ZDHHC15: variants seen among roughly 807,000 people sequenced by gnomAD.
The protein encoded by ZDHHC15 is palmitoyltransferase ZDHHC15.
Under a neutral mutation model 31.7 loss-of-function variants are expected in ZDHHC15, and 19 were observed. That is an observed-to-expected ratio of 0.60 (90% CI 0.42 to 0.88). The LOEUF (loss-of-function observed/expected upper bound fraction) is 0.88. Ranked by LOEUF, ZDHHC15 falls within the 40% of genes least tolerant of loss-of-function variation. ZDHHC15 has a pLI of 0.00. For synonymous variants in ZDHHC15, 103 were observed against 90.0 expected (o/e 1.14, Z -0.82); for missense variants, 209 against 251.2 (o/e 0.83, Z 1.14).
At chrX:75,395,890 G>A (rs1569309094) in intron 10 of ZDHHC15, among the ~76,000 whole-genome samples, 1 of 111,995 alleles carries the variant, frequency 8.9e-6, no homozygotes, top group Non-Finnish European at 1.9e-5. Context: ...AATACTCACT[G>A]GGAAAAGAAC....
intron 2 of ZDHHC15, among the ~76,000 whole-genome samples, chrX:75,489,700 G>T (rs906764462): frequency 8.9e-6 from 1 of 112,377 alleles, no homozygotes; most frequent in African/African-American, 3.2e-5. Flanking sequence ...TCCTCCAAAG[G>T]AATGCAGCTC....
At chrX:75,522,528 C>T (rs1430013623) in intron 1 of ZDHHC15, among the ~76,000 whole-genome samples, 1 of 111,519 alleles carries the variant, frequency 9.0e-6, no homozygotes, top group African/African-American at 3.3e-5. Flanking sequence ...TTTAAAGACA[C>T]AGGGTATGTT....
chrX:75,500,315 C>T (rs1359153036), intron 2 of ZDHHC15, among the ~76,000 whole-genome samples: 3 of 108,918 alleles, frequency 2.8e-5, no homozygotes, highest in African/African-American at 1.0e-4. Context: ...CTAGTATACC[C>T]ATACTATGAA....
intron 9 of ZDHHC15, among the ~76,000 whole-genome samples, chrX:75,419,580 C>T (rs185495155): frequency 1.1e-3 from 118 of 110,732 alleles, no homozygotes; most frequent in African/African-American, 3.7e-3. Flanking sequence ...ACCATTTGAC[C>T]CAGCCATCCC....
chrX:75,461,241 G>A (rs1324386977), intron 3 of ZDHHC15, among the ~76,000 whole-genome samples: 1 of 111,445 alleles, frequency 9.0e-6, no homozygotes, highest in Admixed American at 9.6e-5. Context: ...TAGAGAATAA[G>A]GAATAAAATG....
At chrX:75,489,651 C>A (rs779586968) in intron 2 of ZDHHC15, among the ~76,000 whole-genome samples, 38 of 111,975 alleles carry the variant, frequency 3.4e-4, no homozygotes, top group African/African-American at 8.1e-4. Flanking sequence ...AAAAACAGAG[C>A]AGAAAAACTG....
chrX:75,486,869 C>T (rs2084786342), intron 2 of ZDHHC15, among the ~76,000 whole-genome samples: 1 of 111,412 alleles, frequency 9.0e-6, no homozygotes, highest in African/African-American at 3.3e-5. Flanking sequence ...TCAGACTCAC[C>T]TAACCTTGCC....
At chrX:75,420,254 G>A (rs1279857358) in intron 9 of ZDHHC15, among the ~76,000 whole-genome samples, 1 of 111,241 alleles carries the variant, frequency 9.0e-6, no homozygotes, top group African/African-American at 3.3e-5. Context: ...ACCACAATGA[G>A]ACACCATCTC....
intron 4 of ZDHHC15, among the ~76,000 whole-genome samples, chrX:75,437,283 A>T (rs1265363102): frequency 1.5e-4 from 14 of 95,814 alleles, no homozygotes; most frequent in African/African-American, 4.6e-4. Flanking sequence ...TTTTTTTTTT[A>T]AATTTATTTA....
At chrX:75,450,746 A>C (rs758539575) in intron 4 of ZDHHC15, 56 bp downstream of exon 4, 1 of 1,209,511 alleles carries the variant, frequency 8.3e-7, no homozygotes, top group East Asian at 3.0e-5. Flanking sequence ...TATATGACTT[A>C]GCCTTTCTGA....
chrX:75,445,761 T>A (rs2084024477), intron 4 of ZDHHC15, among the ~76,000 whole-genome samples: 1 of 111,626 alleles, frequency 9.0e-6, no homozygotes, highest in Non-Finnish European at 1.9e-5. Context: ...AGGATGGGGA[T>A]GTGTGGGAAG....
chrX:75,498,148 G>T (rs1367984567), intron 2 of ZDHHC15, among the ~76,000 whole-genome samples: 2 of 109,809 alleles, frequency 1.8e-5, no homozygotes, highest in East Asian at 5.7e-4. Flanking sequence ...GGTCAGGCGG[G>T]TCTCAAACTC....
At chrX:75,450,619 A>G in intron 4 of ZDHHC15, 183 bp downstream of exon 4, 1 of 959,572 alleles carries the variant, frequency 1.0e-6, no homozygotes, top group East Asian at 3.4e-5. Context: ...TTTGTTTACT[A>G]TACAATTCTT....
At chrX:75,429,008 T>C in intron 7 of ZDHHC15, 70 bp downstream of exon 7, 2 of 1,162,847 alleles carry the variant, frequency 1.7e-6, no homozygotes, top group Non-Finnish European at 2.3e-6. Flanking sequence ...AGATAGAGGG[T>C]GAACAATGTC....
At chrX:75,458,134 G>A (rs1371724847) in intron 3 of ZDHHC15, among the ~76,000 whole-genome samples, 2 of 112,184 alleles carry the variant, frequency 1.8e-5, no homozygotes, top group African/African-American at 6.5e-5. Context: ...ATAACTAACA[G>A]CAATCAAAGG....
chrX:75,387,953 C>T (rs1473092854), intron 10 of ZDHHC15, among the ~76,000 whole-genome samples: 1 of 111,644 alleles, frequency 9.0e-6, no homozygotes, highest in African/African-American at 3.3e-5. Flanking sequence ...ATGTGCATAA[C>T]ATATAAAGGA....
chrX:75,373,609 G>GTGA (rs2147742502), intron 11 of ZDHHC15, among the ~76,000 whole-genome samples: 1 of 111,362 alleles, frequency 9.0e-6, no homozygotes, highest in East Asian at 2.8e-4. Context: ...TTTATGTTTA[G>GTGA]TGATATTATT....
intron 2 of ZDHHC15, among the ~76,000 whole-genome samples, chrX:75,482,531 A>G (rs1258612940): frequency 9.0e-6 from 1 of 111,646 alleles, no homozygotes; most frequent in African/African-American, 3.3e-5. Flanking sequence ...TTAGGCATCT[A>G]CTACTCATCA....
chrX:75,419,515 T>C (rs2147838952), intron 9 of ZDHHC15, among the ~76,000 whole-genome samples: 1 of 110,990 alleles, frequency 9.0e-6, no homozygotes, highest in East Asian at 2.9e-4. Context: ...TGTAAACTAG[T>C]TCAACCATTG....
Sources: allele counts gnomAD v4.1 joint callset (sites outside exome capture counted in the v4.1 genomes callset), GRCh38; gene constraint gnomAD v4.1.1; transcripts MANE v1.5; gene names NCBI Gene and HGNC (gene_info 2026-07-23, HGNC 2026-07-21).